KHDRBS2: variants seen among roughly 807,000 people sequenced by gnomAD.
KHDRBS2 encodes the protein KH RNA binding domain containing, signal transduction associated 2, also known as KH domain-containing, RNA-binding, signal transduction-associated protein 2.
Under a neutral mutation model 44.3 loss-of-function variants are expected in KHDRBS2, and 26 were observed. That is an observed-to-expected ratio of 0.59 (90% confidence interval 0.43 to 0.81). KHDRBS2 has a LOEUF of 0.81. KHDRBS2 is among the 40% of genes least tolerant of loss of function. KHDRBS2 has a pLI of 0.00. For synonymous variants in KHDRBS2, 194 were observed against 151.1 expected (o/e 1.28, Z -2.08); for missense variants, 476 against 433.1 (o/e 1.10, Z -0.88).
chr6:61,789,497 G>C (rs1428663532), intron 6 of KHDRBS2, among the ~76,000 whole-genome samples: 1 of 151,410 alleles, frequency 6.6e-6, no homozygotes, highest in African/African-American at 2.4e-5. Context: ...GTTTCAAAAA[G>C]AATTATTTGT....
At chr6:61,591,359 A>G in the KHDRBS2 span, among the ~76,000 whole-genome samples, 93,385 of 151,836 alleles carry the variant, frequency 0.62, 28,935 homozygotes, top group Non-Finnish European at 0.65. Context: ...ATAGAATGTC[A>G]TTAGAAAACC....
chr6:62,282,842 C>T (rs1332563877), intron 1 of KHDRBS2, among the ~76,000 whole-genome samples: 2 of 152,096 alleles, frequency 1.3e-5, no homozygotes, highest in Admixed American at 1.3e-4. Flanking sequence ...TGCAAAAAAA[C>T]ATATACATCA....
intron 6 of KHDRBS2, among the ~76,000 whole-genome samples, chr6:61,875,694 T>TA (rs905377274): frequency 3.2e-4 from 48 of 152,090 alleles, no homozygotes; most frequent in Admixed American, 1.3e-4. Context: ...ATCAACCTTC[T>TA]AACAGGCACC....
intron 6 of KHDRBS2, among the ~76,000 whole-genome samples, chr6:61,782,639 T>C (rs1351593823): frequency 1.4e-5 from 2 of 147,540 alleles, no homozygotes; most frequent in African/African-American, 2.5e-5. Flanking sequence ...AAAATTTTAA[T>C]AGCATATAAC....
chr6:61,805,935 G>A (rs924536438), intron 6 of KHDRBS2, among the ~76,000 whole-genome samples: 47 of 152,148 alleles, frequency 3.1e-4, no homozygotes, highest in African/African-American at 1.1e-3. Flanking sequence ...GGAACATAGA[G>A]GCAGTATGGA....
intron 3 of KHDRBS2, among the ~76,000 whole-genome samples, chr6:62,037,044 G>T (rs1369265730): frequency 1.3e-5 from 2 of 151,826 alleles, no homozygotes; most frequent in Non-Finnish European, 2.9e-5. Flanking sequence ...AAGCTATAGA[G>T]TTGCCAACAA....
intron 6 of KHDRBS2, among the ~76,000 whole-genome samples, chr6:61,808,397 A>T (rs1787524345): frequency 6.6e-6 from 1 of 152,174 alleles, no homozygotes; most frequent in African/African-American, 2.4e-5. Flanking sequence ...GGTTATAAAC[A>T]TGAAACTATA....
chr6:62,278,024 A>G (rs1841245175), intron 1 of KHDRBS2, among the ~76,000 whole-genome samples: 1 of 152,238 alleles, frequency 6.6e-6, no homozygotes, highest in Admixed American at 6.5e-5. Context: ...AATATCATCT[A>G]TTAGTGGTTA....
chr6:62,054,888 T>C (rs775413233), intron 2 of KHDRBS2, among the ~76,000 whole-genome samples: 3 of 152,030 alleles, frequency 2.0e-5, no homozygotes, highest in African/African-American at 4.8e-5. Flanking sequence ...ATAGAAGCGA[T>C]AGGAAACTAA....
chr6:62,211,602 A>G lies in KHDRBS2; in HGVS notation c.92-34290T>C, dbSNP rs573589350. 2.6e-5 allele frequency among the ~76,000 whole-genome samples: 4 copies of G among 152,312 alleles called. No homozygotes were observed. The South Asian group carries it at 8.3e-4, about 32-fold the overall frequency. Reference sequence around the variant, plus strand: ...ATATTTTTGAATACTGGTTCAAATGACTTTTTAAAAAAACATTTATTTTAA... The same window carrying G: ...ATATTTTTGAATACTGGTTCAAATGGCTTTTTAAAAAAACATTTATTTTAA... On this transcript the variant is annotated intron_variant, in intron 1 of 8. Coordinates refer to ENST00000281156, the MANE Select transcript of KHDRBS2 (RefSeq NM_152688.4).
In KHDRBS2 at chr6:61,978,683, G is replaced by C. The variant is rs577851337; in HGVS notation, c.337-471C>G. ...TTACTTGATTGTGATAAAAAGTAGG[G>C]TAACTATACAAGTCAAGGCTTATTT... On this transcript the variant is annotated intron_variant, in intron 3 of 8. Coordinates refer to ENST00000281156, the MANE Select transcript of KHDRBS2 (RefSeq NM_152688.4). Among the ~76,000 whole-genome samples the C allele has an allele frequency of 3.3e-5, 5 of 152,116 alleles. No homozygotes were observed. The East Asian group carries it at 9.7e-4, about 29-fold the overall frequency.
chr6:61,956,815 A>G (rs1168912159), intron 4 of KHDRBS2, among the ~76,000 whole-genome samples: 3 of 152,158 alleles, frequency 2.0e-5, no homozygotes, highest in Non-Finnish European at 4.4e-5. Flanking sequence ...AATGCAAACA[A>G]ATAATATCTC....
chr6:62,110,352 T>A (rs1466468876), intron 2 of KHDRBS2, among the ~76,000 whole-genome samples: 1 of 152,040 alleles, frequency 6.6e-6, no homozygotes, highest in Admixed American at 6.6e-5. Flanking sequence ...GAAATATCTG[T>A]ACCCATACAA....
chr6:62,282,499 G>A (rs1841938169), intron 1 of KHDRBS2, among the ~76,000 whole-genome samples: 1 of 152,056 alleles, frequency 6.6e-6, no homozygotes, highest in South Asian at 2.1e-4. Context: ...ATGCTCCTAG[G>A]AGTATGGAAT....
chr6:61,663,072 A>G, the KHDRBS2 span, among the ~76,000 whole-genome samples: 1 of 151,980 alleles, frequency 6.6e-6, no homozygotes, highest in Non-Finnish European at 1.5e-5. Context: ...ATGCAGCCAT[A>G]AAAAATGATG....
intron 1 of KHDRBS2, among the ~76,000 whole-genome samples, chr6:62,281,221 C>A (rs1426496339): frequency 6.6e-6 from 1 of 152,022 alleles, no homozygotes; most frequent in East Asian, 1.9e-4. Context: ...AAATGTAACT[C>A]AGCAGTAATC....
chr6:61,771,112 A>G (rs1486487913), intron 6 of KHDRBS2, among the ~76,000 whole-genome samples: 2 of 152,178 alleles, frequency 1.3e-5, no homozygotes, highest in African/African-American at 4.8e-5. Flanking sequence ...GGAGAAATAA[A>G]ATACTTTACA....
chr6:61,779,033 T>G (rs952256295), intron 6 of KHDRBS2, among the ~76,000 whole-genome samples: 1 of 152,180 alleles, frequency 6.6e-6, no homozygotes, highest in African/African-American at 2.4e-5. Flanking sequence ...TCTAATTGCT[T>G]TAAGGAAAGA....
intron 7 of KHDRBS2, among the ~76,000 whole-genome samples, chr6:61,721,419 TG>T (rs1365867333): frequency 6.6e-6 from 1 of 151,136 alleles, no homozygotes; most frequent in East Asian, 2.0e-4. Flanking sequence ...GAGCATGGAA[TG>T]TTCTTCCATT....
Sources: allele counts gnomAD v4.1 joint callset (sites outside exome capture counted in the v4.1 genomes callset), GRCh38; gene constraint gnomAD v4.1.1; transcripts MANE v1.5; gene names NCBI Gene and HGNC (gene_info 2026-07-23, HGNC 2026-07-21).